Variants in CTIF observed in about 807,000 individuals in gnomAD.
CTIF encodes CBP80/20-dependent translation initiation factor.
In CTIF, 21 loss-of-function variants were observed where a neutral mutation model predicts 66.0. That is an observed-to-expected ratio of 0.32 (90% CI 0.23 to 0.46). The LOEUF (loss-of-function observed/expected upper bound fraction) is 0.46, where lower values mean the gene tolerates loss of function less well. Among genes scored for constraint, CTIF ranks in the 20% least tolerant of loss-of-function variants. The pLI is 1.00. For missense variants in CTIF, 739 were observed against 812.7 expected (o/e 0.91, Z 1.10); for synonymous variants, 345 against 326.4 (o/e 1.06, Z -0.62).
At chr18:48,555,812 C>T (rs1298967406) in intron 1 of CTIF, among the ~76,000 whole-genome samples, 1 of 152,084 alleles carries the variant, frequency 6.6e-6, no homozygotes. Flanking sequence ...AGGGAAGTCT[C>T]TTGGTATGTG....
At chr18:48,849,509 T>A (rs1053878810) in intron 10 of CTIF, among the ~76,000 whole-genome samples, 40 of 151,780 alleles carry the variant, frequency 2.6e-4, no homozygotes, top group Admixed American at 2.3e-3. Context: ...GCCATTTTTT[T>A]AAAAACCATT....
At chr18:48,611,790 G>C (rs2090312619) in intron 1 of CTIF, among the ~76,000 whole-genome samples, 1 of 152,228 alleles carries the variant, frequency 6.6e-6, no homozygotes, top group South Asian at 2.1e-4. Flanking sequence ...TGTGCTACAT[G>C]CTGATATTTT....
intron 10 of CTIF, among the ~76,000 whole-genome samples, chr18:48,838,661 G>A (rs1389715833): frequency 6.6e-6 from 1 of 152,186 alleles, no homozygotes; most frequent in Non-Finnish European, 1.5e-5. Flanking sequence ...GTTTAGTGTA[G>A]GAGCCTTCAC....
chr18:48,863,108 C>T lies in CTIF; in HGVS notation c.*3549C>T, dbSNP rs559064741. ...CTGGGGCTTCCCGCCAAAGCTGCCG[C>T]GGAACCCCGCTAGTGCGACCACCCT... On this transcript the variant is annotated 3_prime_UTR_variant, in exon 12 of 12. Coordinates refer to ENST00000256413, the MANE Select transcript of CTIF (RefSeq NM_014772.3). The T allele has an allele frequency of 7.9e-5, 12 of 152,384 alleles. No individual in the cohort carries two copies. In the South Asian group the frequency reaches 1.0e-3, roughly 13 times the overall value. 9.4% of individuals were successfully genotyped at this position (152,384 alleles called of 1,614,324 possible).
chr18:48,794,838 C>A lies in CTIF; in HGVS notation c.1372-22383C>A, dbSNP rs549867726. Among the ~76,000 whole-genome samples the A allele has an allele frequency of 3.9e-5, 6 of 152,118 alleles. No individual in the cohort carries two copies. In the East Asian group the frequency reaches 9.7e-4, roughly 25 times the overall value. On this transcript the variant is annotated intron_variant, in intron 9 of 11. Transcript: ENST00000256413. ...CCAGGCCCTTTGTGTGTATTGCATT[C>A]GAGTCAGCACCTGGCAGAGAGGAGG...
chr18:48,711,425 T>C (rs1195158488), intron 6 of CTIF, among the ~76,000 whole-genome samples, 194 bp from the exon 7 acceptor site: 1 of 152,264 alleles, frequency 6.6e-6, no homozygotes, highest in Non-Finnish European at 1.5e-5. Flanking sequence ...AATTCCAGCA[T>C]CACTGCCTGG....
At chr18:48,634,107 CTT>C (rs914517678) in intron 2 of CTIF, among the ~76,000 whole-genome samples, 3 of 152,168 alleles carry the variant, frequency 2.0e-5, no homozygotes, top group Admixed American at 6.5e-5. Flanking sequence ...AACCTTGACA[CTT>C]TTGAAGAGTT....
intron 7 of CTIF, among the ~76,000 whole-genome samples, chr18:48,745,556 C>T (rs1385746502): frequency 6.6e-6 from 1 of 152,158 alleles, no homozygotes; most frequent in Non-Finnish European, 1.5e-5. Flanking sequence ...TCCATCATTC[C>T]TTCTAAATGT....
At chr18:48,720,209 A>T (rs1051240063) in intron 7 of CTIF, among the ~76,000 whole-genome samples, 3 of 152,200 alleles carry the variant, frequency 2.0e-5, no homozygotes, top group African/African-American at 7.2e-5. Flanking sequence ...AGGCAACAGG[A>T]TCTTAGGTCT....
At position 48,779,973 on chromosome 18, in the gene CTIF, C is replaced by T. The variant is rs912587510; in HGVS notation, c.1371+18284C>T. ...TGTGAGCACCATCTGCATGCAGCCC[C>T]GGAGGTCAGGTGGCAGAGTCTCCCA... On this transcript the variant is annotated intron_variant, in intron 9 of 11. Coordinates refer to ENST00000256413, the MANE Select transcript of CTIF (RefSeq NM_014772.3). 5.3e-5 allele frequency among the ~76,000 whole-genome samples: 8 copies of T among 152,162 alleles called. No individual in the cohort carries two copies. The South Asian group carries it at 6.2e-4, about 12-fold the overall frequency.
chr18:48,860,376 T>A lies in CTIF; in HGVS notation c.*817T>A, dbSNP rs1010469873. 1 of 162,000 alleles carries A rather than the reference T, an allele frequency of 6.2e-6. No homozygotes were observed. The highest frequency in any genetic ancestry group is 2.4e-5 in the African/African-American group (1 of 41,836). 10.0% of individuals were successfully genotyped at this position (162,000 alleles called of 1,614,324 possible). On this transcript the variant is annotated 3_prime_UTR_variant, in exon 12 of 12. Coordinates refer to ENST00000256413, the MANE Select transcript of CTIF (RefSeq NM_014772.3). ...GGATTAGTGGGAGATCAAACCCAGC[T>A]CCCCTCTAGAAGAAGGATTCGAGCC... is the stretch of plus-strand genomic sequence containing the variant.
chr18:48,630,735 G>C (rs1598767550), intron 2 of CTIF, among the ~76,000 whole-genome samples: 1 of 151,830 alleles, frequency 6.6e-6, no homozygotes. Flanking sequence ...GAGTGCGGTG[G>C]CGCGATCTCT....
intron 3 of CTIF, among the ~76,000 whole-genome samples, chr18:48,649,551 A>T (rs1306944167): frequency 1.3e-5 from 2 of 152,226 alleles, no homozygotes; most frequent in Non-Finnish European, 2.9e-5. Flanking sequence ...GGCAGCAGAA[A>T]CTTCTGCAGA....
chr18:48,715,428 C>T (rs531077936), intron 7 of CTIF, among the ~76,000 whole-genome samples: 1 of 152,276 alleles, frequency 6.6e-6, no homozygotes, highest in East Asian at 1.9e-4. Flanking sequence ...CCACGCGTTC[C>T]TCAAAGAGCA....
chr18:48,744,972 A>G (rs911680760), intron 7 of CTIF, among the ~76,000 whole-genome samples: 2 of 151,858 alleles, frequency 1.3e-5, no homozygotes, highest in African/African-American at 4.8e-5. Flanking sequence ...ATAGGTGCAC[A>G]CCACCACACC....
intron 9 of CTIF, among the ~76,000 whole-genome samples, chr18:48,815,884 C>T (rs1395238108): frequency 1.3e-5 from 2 of 152,120 alleles, no homozygotes; most frequent in Non-Finnish European, 2.9e-5. Context: ...CACAGTCACC[C>T]AGACCAAGAA....
intron 1 of CTIF, among the ~76,000 whole-genome samples, chr18:48,589,174 G>T (rs2089836978): frequency 6.6e-6 from 1 of 152,156 alleles, no homozygotes; most frequent in African/African-American, 2.4e-5. Flanking sequence ...ACAACCTGGG[G>T]GGCTTAAGAC....
intron 10 of CTIF, among the ~76,000 whole-genome samples, chr18:48,853,429 A>C (rs1055633567): frequency 6.6e-6 from 1 of 152,126 alleles, no homozygotes. Flanking sequence ...AGTTGGAAAT[A>C]TGTGGGTGGG....
At chr18:48,712,032 C>G (rs1393838230) in intron 7 of CTIF, among the ~76,000 whole-genome samples, 1 of 152,142 alleles carries the variant, frequency 6.6e-6, no homozygotes, top group Non-Finnish European at 1.5e-5. Flanking sequence ...CAATAGTGGT[C>G]CTCAGAAAAT....
Sources: gnomAD v4.1 joint callset for allele counts (sites outside exome capture counted in the v4.1 genomes callset) on GRCh38, gnomAD v4.1.1 for gene constraint, MANE v1.5 for transcripts, NCBI Gene and HGNC (gene_info 2026-07-23, HGNC 2026-07-21) for gene names.